USP34: variants seen among roughly 807,000 people sequenced by gnomAD.
USP34 encodes the protein ubiquitin carboxyl-terminal hydrolase 34.
In USP34, 70 loss-of-function variants were observed where a neutral mutation model predicts 460.3. The ratio of observed to expected loss-of-function variants is 0.15; its 90% CI spans 0.13 to 0.19. USP34 has a LOEUF of 0.19. USP34 is among the 10% of genes least tolerant of loss of function. The probability of loss-of-function intolerance (pLI) is 1.00; values close to 1 mark genes in which losing one functional copy is unlikely to be tolerated. For missense variants in USP34, 3,985 were observed against 4,236.2 expected (o/e 0.94, Z 1.65); for synonymous variants, 1,647 against 1,405.3 (o/e 1.17, Z -3.85).
At chr2:61,328,084 C>T (rs952083364) in intron 20 of USP34, among the ~76,000 whole-genome samples, 2 of 151,954 alleles carry the variant, frequency 1.3e-5, no homozygotes, top group East Asian at 1.9e-4. Context: ...GGGTGGATCG[C>T]CTGAGGTCAA....
At chr2:61,287,599 G>A (rs1431241957) in intron 34 of USP34, among the ~76,000 whole-genome samples, 3 of 152,186 alleles carry the variant, frequency 2.0e-5, no homozygotes, top group Non-Finnish European at 4.4e-5. Flanking sequence ...CCATGAGGAT[G>A]AAGACCTTTA....
chr2:61,249,530 CCA>C (rs1197467565), intron 48 of USP34, among the ~76,000 whole-genome samples: 1 of 152,180 alleles, frequency 6.6e-6, no homozygotes, highest in Non-Finnish European at 1.5e-5. Context: ...GAAAGAAAAA[CCA>C]CAGAGAAGGG....
chr2:61,268,390 C>A (rs1689115485), intron 41 of USP34, among the ~76,000 whole-genome samples: 1 of 125,400 alleles, frequency 8.0e-6, no homozygotes, highest in Non-Finnish European at 1.6e-5. Context: ...ACCTACCACA[C>A]AGGAATGAGT....
At chr2:61,416,304 CAATG>C (rs1438680733) in intron 2 of USP34, among the ~76,000 whole-genome samples, 1 of 152,030 alleles carries the variant, frequency 6.6e-6, no homozygotes, top group East Asian at 1.9e-4. Context: ...TTTATTAAAA[CAATG>C]AAAAAATAAA....
Position 61,316,369 on chromosome 2 carries a change from GA to G in USP34, c.3282+1284del, listed in dbSNP as rs564721746. 2.8e-3 allele frequency among the ~76,000 whole-genome samples: 419 copies of G among 152,152 alleles called. 1 individual carries two copies. The highest frequency in any genetic ancestry group is 9.4e-3 in the African/African-American group (390 of 41,508). On this transcript the variant is annotated intron_variant, in intron 23 of 79. Coordinates refer to ENST00000398571, the MANE Select transcript of USP34 (RefSeq NM_014709.4). ...GGAGGCCAAGGCGGGTGGAAAACTTGAGGTCAGGAGTTCGAGACTAGTCTGG... is the reference window on the plus strand; with the variant it reads ...GGAGGCCAAGGCGGGTGGAAAACTTGGGTCAGGAGTTCGAGACTAGTCTGG...
chr2:61,437,398 C>A (rs1014603699), intron 1 of USP34, among the ~76,000 whole-genome samples: 1 of 152,128 alleles, frequency 6.6e-6, no homozygotes, highest in South Asian at 2.1e-4. Flanking sequence ...TGCTGACCAA[C>A]TACGCAGCAA....
intron 70 of USP34, chr2:61,207,117 G>A (rs1687141933): frequency 2.8e-6 from 1 of 363,126 alleles, no homozygotes; most frequent in Admixed American, 4.6e-5. Context: ...CTAGTCTGAA[G>A]AAATAGTTTA....
At chr2:61,363,551 C>G (rs1692334351) in intron 10 of USP34, among the ~76,000 whole-genome samples, 1 of 152,092 alleles carries the variant, frequency 6.6e-6, no homozygotes, top group African/African-American at 2.4e-5. Context: ...GTAAATAACA[C>G]AGAAAAAGTA....
Position 61,203,239 on chromosome 2 carries a change from T to C in USP34, c.9409A>G (p.Met3137Val). The C allele has an allele frequency of 6.3e-7, 1 of 1,583,742 alleles. No individual in the cohort carries two copies. Among genetic ancestry groups the C allele is most frequent in the Non-Finnish European group, 8.6e-7 (1 of 1,164,488 alleles). Residue 3137 changes from methionine to valine, a missense_variant, in exon 75 of 80, where the codon ATG (methionine) becomes GTG (valine). This residue lies in a region of USP34 where 28 missense variants were observed against 36.8 expected (regional missense o/e 0.76). Coordinates refer to ENST00000398571, the MANE Select transcript of USP34 (RefSeq NM_014709.4). Reference sequence around the variant, plus strand: ...TAAGAAAAGAAGTAGTCTAGCAGCATACGATCATAAACGTCATCTTTGCCC... The same window carrying C: ...TAAGAAAAGAAGTAGTCTAGCAGCACACGATCATAAACGTCATCTTTGCCC... ...SKGKDDVYDRMLLDYFFSYHQ... is the reference protein window; with the variant it reads ...SKGKDDVYDRVLLDYFFSYHQ...
chr2:61,224,051 T>C (rs1478083728), intron 62 of USP34, among the ~76,000 whole-genome samples: 1 of 152,198 alleles, frequency 6.6e-6, no homozygotes, highest in Non-Finnish European at 1.5e-5. Context: ...ACAACCACGG[T>C]ACCATTATTC....
chr2:61,441,582 C>T (rs983373986), intron 1 of USP34, among the ~76,000 whole-genome samples: 50 of 152,054 alleles, frequency 3.3e-4, no homozygotes, highest in African/African-American at 1.2e-3. Context: ...CTCGGCCACT[C>T]GGCTGCCCAG....
At chr2:61,370,746 A>G (rs920003698) in intron 8 of USP34, among the ~76,000 whole-genome samples, 167 bp from the exon 9 acceptor site, 10 of 152,250 alleles carry the variant, frequency 6.6e-5, no homozygotes, top group African/African-American at 2.4e-4. Flanking sequence ...ATGAAATATG[A>G]TGCTGAATTT....
chr2:61,471,036 C>A lies in USP34; in HGVS notation c.-344G>T, dbSNP rs536538903. Among the ~76,000 whole-genome samples, 165 of 151,788 alleles carry A rather than the reference C, an allele frequency of 1.1e-3. No individual in the cohort carries two copies. Among genetic ancestry groups the A allele is most frequent in the African/African-American group, 3.9e-3 (160 of 41,456 alleles). On this transcript the variant is annotated 5_prime_UTR_variant, in exon 1 of 80. Transcript: ENST00000398571. ...CAGCAGAGTCACTTCACCGACCAGA[C>A]GCCGCGGCCACCGCCGACGCCGCCG...
In USP34 at chr2:61,451,220, C is replaced by CAAAAAAAAAAAA. The variant is rs70963432; in HGVS notation, c.43+19418_43+19429dup. Reference sequence around the variant, plus strand: ...CAGGTGACAGTGTGAGGCTTCATCTCAAAAAAAAAAAAAAAAAAAAAAAAA... The same window carrying CAAAAAAAAAAAA: ...CAGGTGACAGTGTGAGGCTTCATCTCAAAAAAAAAAAAAAAAAAAAAAAAAAAAAAAAAAAAA... On this transcript the variant is annotated intron_variant, in intron 1 of 79. Transcript: ENST00000398571. Among the ~76,000 whole-genome samples, 243 of 50,738 alleles carry CAAAAAAAAAAAA rather than the reference C, an allele frequency of 4.8e-3. 3 individuals are homozygous for CAAAAAAAAAAAA. Among genetic ancestry groups the CAAAAAAAAAAAA allele is most frequent in the African/African-American group, 5.7e-3 (57 of 9,922 alleles). The allele number at this position is 50,738 out of a possible 152,430, so 33.3% of individuals were successfully genotyped here. A position where few individuals can be genotyped will look rare whatever the true frequency, so the allele number is the denominator to read the frequency against.
chr2:61,410,621 T>G (rs1694009300), intron 2 of USP34, among the ~76,000 whole-genome samples: 1 of 152,134 alleles, frequency 6.6e-6, no homozygotes, highest in African/African-American at 2.4e-5. Flanking sequence ...GAATTTTTTT[T>G]AGCTACAAGC....
At chr2:61,364,425 T>C (rs548323390) in intron 10 of USP34, among the ~76,000 whole-genome samples, 2 of 152,310 alleles carry the variant, frequency 1.3e-5, no homozygotes, top group East Asian at 3.9e-4. Flanking sequence ...AATTAAGAGT[T>C]ATTATTTTAT....
chr2:61,209,208 T>C (rs976141004), intron 69 of USP34, among the ~76,000 whole-genome samples: 1 of 152,224 alleles, frequency 6.6e-6, no homozygotes, highest in Admixed American at 6.5e-5. Context: ...TTATCTACAA[T>C]GGCAGAAGAT....
rs752400998 is a variant in USP34, at chr2:61,295,214, A to C, written c.4331T>G (p.Ile1444Ser). 1.2e-6 allele frequency: 2 copies of C among 1,612,488 alleles called. No homozygotes were observed. The highest frequency in any genetic ancestry group is 3.3e-5 in the Admixed American group (2 of 59,808). The change falls in exon 31 of 80, where the codon ATT (isoleucine) becomes AGT (serine). Residue 1444 changes from isoleucine to serine, a missense_variant. This residue lies in a region of USP34 where 1,114 missense variants were observed against 1,122.5 expected (regional missense o/e 0.99). Coordinates refer to ENST00000398571, the MANE Select transcript of USP34 (RefSeq NM_014709.4). Reference sequence around the variant, plus strand: ...TCTATTAGGTTTTCCCAGTGCTTCAATAATTTCCAGAGCATACAATAGCTT... The same window carrying C: ...TCTATTAGGTTTTCCCAGTGCTTCACTAATTTCCAGAGCATACAATAGCTT... ...AHKLLYALEI[I>S]EALGKPNRRI...
intron 58 of USP34, among the ~76,000 whole-genome samples, chr2:61,230,246 C>A (rs1687853261): frequency 6.6e-6 from 1 of 152,132 alleles, no homozygotes; most frequent in Non-Finnish European, 1.5e-5. Flanking sequence ...AAACAGTTTA[C>A]CAGCTGGGTG....
Sources: gnomAD v4.1 joint callset for allele counts (sites outside exome capture counted in the v4.1 genomes callset) on GRCh38, gnomAD v4.1.1 for gene constraint, gnomAD v4.1.1 regional missense constraint, MANE v1.5 for transcripts, NCBI Gene and HGNC (gene_info 2026-07-23, HGNC 2026-07-21) for gene names.